Variants in REV1 observed in about 807,000 individuals in gnomAD.
The protein encoded by REV1 is translesion synthesis protein REV1.
In REV1, 42 loss-of-function variants were observed where a neutral mutation model predicts 137.4. The observed-to-expected ratio is 0.31, with a 90% confidence interval of 0.24 to 0.40. REV1 has a LOEUF of 0.40. Ranked by LOEUF, REV1 falls within the 10% of genes least tolerant of loss-of-function variation. The pLI is 1.00. For missense variants in REV1, 1,282 were observed against 1,490.1 expected (o/e 0.86, Z 2.30); for synonymous variants, 524 against 519.2 (o/e 1.01, Z -0.12).
At chr2:99,480,407 C>A (rs1404607235) in intron 1 of REV1, among the ~76,000 whole-genome samples, 2 of 152,140 alleles carry the variant, frequency 1.3e-5, no homozygotes, top group African/African-American at 4.8e-5. Context: ...GGTAGACAAA[C>A]TAAGGTAGGT....
intron 12 of REV1, among the ~76,000 whole-genome samples, chr2:99,415,299 A>T (rs1677697482): frequency 6.6e-6 from 1 of 152,220 alleles, no homozygotes; most frequent in Admixed American, 6.5e-5. Flanking sequence ...GAAGGAAAAT[A>T]TGCTCTTTTA....
At chr2:99,446,487 A>G (rs1303647629) in intron 4 of REV1, among the ~76,000 whole-genome samples, 1 of 152,040 alleles carries the variant, frequency 6.6e-6, no homozygotes, top group Non-Finnish European at 1.5e-5. Context: ...AATGGAAAAT[A>G]GCATTTTCTT....
intron 19 of REV1, 125 bp downstream of exon 19, chr2:99,403,570 C>T (rs946376415): frequency 1.7e-6 from 2 of 1,162,514 alleles, no homozygotes; most frequent in East Asian, 2.4e-5. Flanking sequence ...CAGATATTAT[C>T]CCAATATGAA....
At chr2:99,473,280 G>C (rs1486834718) in intron 1 of REV1, among the ~76,000 whole-genome samples, 2 of 150,416 alleles carry the variant, frequency 1.3e-5, no homozygotes, top group Non-Finnish European at 2.9e-5. Context: ...AGGCAGGAGA[G>C]TCACTTGAAC....
intron 1 of REV1, among the ~76,000 whole-genome samples, chr2:99,477,570 C>T (rs1295302339): frequency 1.3e-5 from 2 of 152,142 alleles, no homozygotes; most frequent in Non-Finnish European, 2.9e-5. Context: ...TGCATAAGTA[C>T]ATCTGAGCAT....
chr2:99,476,967 A>G (rs1229578512), intron 1 of REV1, among the ~76,000 whole-genome samples: 1 of 152,220 alleles, frequency 6.6e-6, no homozygotes, highest in Non-Finnish European at 1.5e-5. Flanking sequence ...AAATCCAACC[A>G]TAAGTAAAAG....
intron 3 of REV1, among the ~76,000 whole-genome samples, chr2:99,459,198 ACT>A (rs1683886883): frequency 1.7e-5 from 2 of 120,396 alleles, no homozygotes; most frequent in Admixed American, 1.8e-4. Context: ...ACAGAGTGAG[ACT>A]CTGTCTCAAA....
chr2:99,445,551 A>G (rs917116891), intron 4 of REV1, among the ~76,000 whole-genome samples: 1 of 152,216 alleles, frequency 6.6e-6, no homozygotes, highest in Non-Finnish European at 1.5e-5. Flanking sequence ...ATTATGCTCC[A>G]TGACACTCCT....
chr2:99,475,156 A>T (rs190383605), intron 1 of REV1, among the ~76,000 whole-genome samples: 1 of 152,190 alleles, frequency 6.6e-6, no homozygotes, highest in Non-Finnish European at 1.5e-5. Flanking sequence ...TTGCCATGAG[A>T]GTACAAGGAA....
At position 99,423,954 on chromosome 2, in the gene REV1, C is replaced by CA. The variant is rs1679011430; in HGVS notation, c.1676+197dup. 2.0e-5 allele frequency among the ~76,000 whole-genome samples: 3 copies of CA among 152,144 alleles called. No individual in the cohort carries two copies. The South Asian group carries it at 6.2e-4, about 32-fold the overall frequency. On this transcript the variant is annotated intron_variant, in intron 10 of 22. Coordinates refer to ENST00000258428, the MANE Select transcript of REV1 (RefSeq NM_016316.4). ...AAGCACATGAACAATTTTGGCAATA[C>CA]AAAACTATCCTTTGAGATTGAGCTA... is the stretch of plus-strand genomic sequence containing the variant.
chr2:99,435,167 G>A (rs1680582525), intron 7 of REV1, among the ~76,000 whole-genome samples: 1 of 152,074 alleles, frequency 6.6e-6, no homozygotes, highest in Non-Finnish European at 1.5e-5. Context: ...TACTACCCAT[G>A]ACAAAAATAA....
At chr2:99,482,218 G>A (rs1686681330) in intron 1 of REV1, among the ~76,000 whole-genome samples, 1 of 152,200 alleles carries the variant, frequency 6.6e-6, no homozygotes. Context: ...AGGTTTCCTG[G>A]CTGGCAATCA....
intron 9 of REV1, among the ~76,000 whole-genome samples, chr2:99,428,927 G>C (rs1235453122): frequency 1.3e-5 from 2 of 150,606 alleles, no homozygotes; most frequent in African/African-American, 4.9e-5. Flanking sequence ...GGGAGGTGGA[G>C]CTTGCAGTGA....
At chr2:99,422,608 G>T (rs1678828737) in intron 10 of REV1, among the ~76,000 whole-genome samples, 1 of 152,302 alleles carries the variant, frequency 6.6e-6, no homozygotes, top group South Asian at 2.1e-4. Flanking sequence ...CTGGTATGAG[G>T]TATTTTGCTT....
intron 9 of REV1, 69 bp from the exon 10 acceptor site, chr2:99,424,349 G>A (rs1679065017): frequency 2.8e-6 from 4 of 1,452,766 alleles, no homozygotes; most frequent in African/African-American, 2.8e-5. Context: ...TATCAAATAT[G>A]TTGATATCTC....
intron 4 of REV1, among the ~76,000 whole-genome samples, chr2:99,444,731 C>T (rs1320118193): frequency 6.6e-6 from 1 of 152,208 alleles, no homozygotes; most frequent in Non-Finnish European, 1.5e-5. Flanking sequence ...CTAACTACCC[C>T]TGCTTGCCCA....
At chr2:99,417,422 G>A (rs963670708) in intron 12 of REV1, among the ~76,000 whole-genome samples, 11 of 152,292 alleles carry the variant, frequency 7.2e-5, no homozygotes, top group Non-Finnish European at 1.6e-4. Context: ...GGGATTACAG[G>A]TGTGAGTCAC....
intron 1 of REV1, among the ~76,000 whole-genome samples, chr2:99,465,466 A>G (rs1684688486): frequency 6.6e-6 from 1 of 152,218 alleles, no homozygotes; most frequent in Admixed American, 6.5e-5. Context: ...AAGCCCTAGA[A>G]GAAGTCAATT....
intron 6 of REV1, among the ~76,000 whole-genome samples, chr2:99,438,386 T>C (rs1681039376): frequency 6.6e-6 from 1 of 152,242 alleles, no homozygotes; most frequent in African/African-American, 2.4e-5. Context: ...TTAAATTCTC[T>C]GAAAATTTTC....
Sources: allele counts gnomAD v4.1 joint callset (sites outside exome capture counted in the v4.1 genomes callset), GRCh38; gene constraint gnomAD v4.1.1; transcripts MANE v1.5; gene names NCBI Gene and HGNC (gene_info 2026-07-23, HGNC 2026-07-21).